The following BIN1 variants were observed in gnomAD, a reference collection of about 807,000 sequenced individuals.
BIN1 encodes myc box-dependent-interacting protein 1.
Under a neutral mutation model 82.0 loss-of-function variants are expected in BIN1, and 53 were observed. That is an observed-to-expected ratio of 0.65 (90% CI 0.52 to 0.81). BIN1 has a LOEUF of 0.81. Among genes scored for constraint, BIN1 ranks in the 40% least tolerant of loss-of-function variants. The pLI is 0.00. For synonymous variants in BIN1, 302 were observed against 328.0 expected (o/e 0.92, Z 0.86); for missense variants, 642 against 784.4 (o/e 0.82, Z 2.17).
Position 127,050,483 on chromosome 2 carries a change from C to T in BIN1, c.1612G>A (p.Glu538Lys). 1.9e-6 allele frequency: 3 copies of T among 1,614,238 alleles called. No individual in the cohort carries two copies. The highest frequency in any genetic ancestry group is 2.2e-5 in the East Asian group (1 of 44,884). The change falls in exon 18 of 19, where the codon GAG becomes AAG. Residue 538 changes from glutamate to lysine, a missense_variant. By Grantham distance (56) the Glu-to-Lys change is moderately conservative (BLOSUM62 1). Transcript: ENST00000316724. ...QHDYTATDTD[E>K]LQLKAGDVVL... ...ACATCACCAGCCTTGAGCTGCAGCT[C>T]GTCTGTGTCAGTGGCCGTGTAGTCG...
rs886054831 is a variant in BIN1, at chr2:127,048,283, A to C, written c.*243T>G. On this transcript the variant is annotated 3_prime_UTR_variant, in exon 19 of 19. Coordinates refer to ENST00000316724, the MANE Select transcript of BIN1 (RefSeq NM_139343.3). ...ACATGCGGGCACAGGCAGGGGCGCC[A>C]GAAACTCAACTAGAGGACACAGCAG... is the stretch of plus-strand genomic sequence containing the variant. 2.0e-6 allele frequency: 1 copy of C among 511,706 alleles called. No homozygotes were observed. Among genetic ancestry groups the C allele is most frequent in the Non-Finnish European group, 3.5e-6 (1 of 282,222 alleles). The allele number at this position is 511,706 out of a possible 1,614,324, so 31.7% of individuals were successfully genotyped here.
At chr2:127,092,108 C>G (rs1173422963) in intron 1 of BIN1, among the ~76,000 whole-genome samples, 2 of 152,058 alleles carry the variant, frequency 1.3e-5, no homozygotes, top group Non-Finnish European at 2.9e-5. Context: ...CACCACACCC[C>G]TACACCCACC....
chr2:127,059,208 A>G lies in BIN1; in HGVS notation c.858-53T>C. 1.9e-6 allele frequency: 3 copies of G among 1,542,892 alleles called. No individual in the cohort carries two copies. The highest frequency in any genetic ancestry group is 2.4e-5 in the South Asian group (2 of 84,072). On this transcript the variant is annotated intron_variant, in intron 10 of 18. Coordinates refer to ENST00000316724, the MANE Select transcript of BIN1 (RefSeq NM_139343.3). The surrounding 1 kb of genome is among the most constrained non-coding windows in gnomAD (Gnocchi z 6.7). ...CAGTGTTGGGGGGCCAAGGCACAGG[A>G]GACGGAGGGGCAAATGTATTGACGT...
chr2:127,080,749 G>A (rs1687182758), intron 1 of BIN1, among the ~76,000 whole-genome samples: 1 of 152,168 alleles, frequency 6.6e-6, no homozygotes, highest in South Asian at 2.1e-4. Flanking sequence ...GCCTTGGAGG[G>A]GACACCCCAG....
chr2:127,068,246 G>T lies in BIN1; in HGVS notation c.529C>A (p.Leu177Met). 1.2e-6 allele frequency: 2 copies of T among 1,612,752 alleles called. No homozygotes were observed. The highest frequency in any genetic ancestry group is 1.7e-6 in the Non-Finnish European group (2 of 1,179,910). The change falls in exon 7 of 19, where the codon CTG (leucine) becomes ATG (methionine). Residue 177 changes from leucine (L) to methionine (M), a missense_variant. Coordinates refer to ENST00000316724, the MANE Select transcript of BIN1 (RefSeq NM_139343.3). The surrounding 1 kb of genome is among the most constrained non-coding windows in gnomAD (Gnocchi z 4.9). ...CACTGGGGGGCGGCTTTCTCAAGCA[G>T]CGAGACAGGCTGGGGTGGGGAGGTC... is the stretch of plus-strand genomic sequence containing the variant. Reference protein sequence around the residue: ...DEAKIAKPVSLLEKAAPQWCQ... With the variant: ...DEAKIAKPVSMLEKAAPQWCQ...
intron 1 of BIN1, among the ~76,000 whole-genome samples, chr2:127,088,373 T>C (rs1271451469): frequency 6.7e-6 from 1 of 148,930 alleles, no homozygotes; most frequent in Middle Eastern, 3.2e-3. Context: ...AAGCAAGGTC[T>C]CTGCCCTGGA....
intron 1 of BIN1, among the ~76,000 whole-genome samples, chr2:127,098,552 C>A (rs767438451): frequency 6.6e-6 from 1 of 152,182 alleles, no homozygotes; most frequent in Non-Finnish European, 1.5e-5. Flanking sequence ...CCCAACCACC[C>A]CACCCCCACG....
chr2:127,088,632 G>A (rs1678496862), intron 1 of BIN1, among the ~76,000 whole-genome samples: 1 of 152,010 alleles, frequency 6.6e-6, no homozygotes, highest in African/African-American at 2.4e-5. Flanking sequence ...TAGCTACTGG[G>A]GAGGCTAGGG....
At chr2:127,086,502 T>A (rs997368105) in intron 1 of BIN1, among the ~76,000 whole-genome samples, 1 of 141,102 alleles carries the variant, frequency 7.1e-6, no homozygotes, top group Non-Finnish European at 1.6e-5. Context: ...TGGTAATCCA[T>A]CTTTTTTTCT....
chr2:127,070,917 T>C, intron 2 of BIN1, 101 bp from the exon 3 acceptor site: 1 of 1,214,762 alleles, frequency 8.2e-7, no homozygotes, highest in Non-Finnish European at 1.2e-6. Flanking sequence ...CAGGCTGCTC[T>C]CCTGACAGCA....
At chr2:127,054,072 C>G in intron 12 of BIN1, 60 bp from the exon 13 acceptor site, 1 of 1,440,494 alleles carries the variant, frequency 6.9e-7, no homozygotes, top group Middle Eastern at 1.8e-4. Context: ...GGAGCCCTCA[C>G]CCCAGGCAGA....
chr2:127,062,816 C>A (rs536000730), intron 9 of BIN1, among the ~76,000 whole-genome samples: 1 of 152,286 alleles, frequency 6.6e-6, no homozygotes, highest in African/African-American at 2.4e-5. Context: ...TAAGTTGTCT[C>A]CAATCTTCGA....
At position 127,057,685 on chromosome 2, in the gene BIN1, A is replaced by T; in HGVS notation, c.1003-84T>A. 2 of 1,419,900 alleles carry T rather than the reference A, an allele frequency of 1.4e-6. No homozygotes were observed. Among genetic ancestry groups the T allele is most frequent in the Admixed American group, 2.7e-5 (1 of 37,206 alleles). The allele number at this position is 1,419,900 out of a possible 1,614,324, so 88.0% of individuals were successfully genotyped here. A position where few individuals can be genotyped will look rare whatever the true frequency, so the allele number is the denominator to read the frequency against. On this transcript the variant is annotated intron_variant, in intron 11 of 18. Coordinates refer to ENST00000316724, the MANE Select transcript of BIN1 (RefSeq NM_139343.3). The surrounding 1 kb of genome is among the most constrained non-coding windows in gnomAD (Gnocchi z 5.0). ...GGGGGAGACAGACAGAGACAAAGCC[A>T]CGGTTAGTCACACCTCAGGCCACAG...
At chr2:127,086,419 G>A (rs1678164268) in intron 1 of BIN1, among the ~76,000 whole-genome samples, 1 of 152,082 alleles carries the variant, frequency 6.6e-6, no homozygotes, top group Admixed American at 6.5e-5. Flanking sequence ...ACGCAAAGCT[G>A]ACAAAGATTT....
At chr2:127,079,534 C>A (rs886461201) in intron 1 of BIN1, among the ~76,000 whole-genome samples, 2 of 152,212 alleles carry the variant, frequency 1.3e-5, no homozygotes, top group African/African-American at 4.8e-5. Flanking sequence ...CTGCACATGG[C>A]AAACTCCTAT....
rs981160580 is a variant in BIN1 at position 127,067,622 on chromosome 2, G to C, written c.612+541C>G. Among the ~76,000 whole-genome samples, 1 of 152,168 alleles carries C rather than the reference G, an allele frequency of 6.6e-6. No homozygotes were observed. The highest frequency in any genetic ancestry group is 2.4e-5 in the African/African-American group (1 of 41,418). Reference sequence around the variant, plus strand: ...CCAGTAACTCCTCCAGAGTCACCACGGGGACCACAAGTCCGAGGAAAATGA... The same window carrying C: ...CCAGTAACTCCTCCAGAGTCACCACCGGGACCACAAGTCCGAGGAAAATGA... On this transcript the variant is annotated intron_variant, in intron 7 of 18. Coordinates refer to ENST00000316724, the MANE Select transcript of BIN1 (RefSeq NM_139343.3). This position sits in a 1 kb window ranked among gnomAD's most constrained non-coding sequence, Gnocchi z 4.7.
At chr2:127,081,872 G>A in intron 1 of BIN1, 1 of 1,286,796 alleles carries the variant, frequency 7.8e-7, no homozygotes, top group Non-Finnish European at 1.0e-6. Context: ...CACAGGAAGG[G>A]CGGGCTGAGA....
chr2:127,091,386 C>T (rs1296847169), intron 1 of BIN1, among the ~76,000 whole-genome samples: 2 of 152,224 alleles, frequency 1.3e-5, no homozygotes, highest in Non-Finnish European at 2.9e-5. Context: ...TGTTCTCAGC[C>T]ACAGGGGCTC....
intron 1 of BIN1, among the ~76,000 whole-genome samples, chr2:127,079,184 G>A (rs1173585317): frequency 6.6e-6 from 1 of 152,212 alleles, no homozygotes. Context: ...GGAGAACTGG[G>A]GAGATCTTCC....
Sources: gnomAD v4.1 joint callset for allele counts (sites outside exome capture counted in the v4.1 genomes callset) on GRCh38, gnomAD v4.1.1 for gene constraint, Gnocchi (gnomAD v3.1) non-coding constraint, MANE v1.5 for transcripts, NCBI Gene and HGNC (gene_info 2026-07-23, HGNC 2026-07-21) for gene names.